The following CDH18 variants were observed in gnomAD, a reference collection of about 807,000 sequenced individuals.
CDH18 encodes the protein cadherin 18.
CDH18 carries 31 observed loss-of-function variants against 67.9 expected under a neutral mutation model. That is an observed-to-expected ratio of 0.46 (90% CI 0.34 to 0.62). CDH18 has a LOEUF of 0.62. Ranked by LOEUF, CDH18 falls within the 20% of genes least tolerant of loss-of-function variation. The pLI, the probability that CDH18 is intolerant of heterozygous loss-of-function variation, is 0.01. For synonymous variants in CDH18, 362 were observed against 347.2 expected (o/e 1.04, Z -0.48); for missense variants, 890 against 975.5 (o/e 0.91, Z 1.17).
At chr5:19,478,126 A>G (rs1368028818) in intron 12 of CDH18, among the ~76,000 whole-genome samples, 2 of 152,084 alleles carry the variant, frequency 1.3e-5, no homozygotes, top group African/African-American at 2.4e-5. Context: ...TTCTCATAAT[A>G]TGTATTTTTT....
At chr5:20,437,775 T>C (rs897877293) in intron 1 of CDH18, among the ~76,000 whole-genome samples, 8 of 151,320 alleles carry the variant, frequency 5.3e-5, no homozygotes, top group African/African-American at 1.7e-4. Context: ...ATGAAAAAAT[T>C]AGTAGAATGA....
chr5:20,137,482 T>C (rs567887830), intron 2 of CDH18, among the ~76,000 whole-genome samples: 18 of 152,116 alleles, frequency 1.2e-4, no homozygotes, highest in Non-Finnish European at 2.2e-4. Context: ...TAGCCATTCA[T>C]CTAATCTTTT....
Position 19,801,004 on chromosome 5 carries a change from G to A in CDH18, c.228+37755C>T, listed in dbSNP as rs147099858. 4.3e-3 allele frequency among the ~76,000 whole-genome samples: 657 copies of A among 152,164 alleles called. 6 individuals are homozygous for A. Among genetic ancestry groups the A allele is most frequent in the Non-Finnish European group, 7.9e-3 (536 of 67,984 alleles). Reference sequence around the variant, plus strand: ...GTGGCAGCATGCACATGCAGTCCCAGCTACTCAGGAGGCTGAGGCAGGAGA... The same window carrying A: ...GTGGCAGCATGCACATGCAGTCCCAACTACTCAGGAGGCTGAGGCAGGAGA... On this transcript the variant is annotated intron_variant, in intron 3 of 12. Transcript: ENST00000382275.
chr5:19,515,096 A>G (rs964544233), intron 10 of CDH18, among the ~76,000 whole-genome samples: 1 of 152,218 alleles, frequency 6.6e-6, no homozygotes, highest in Non-Finnish European at 1.5e-5. Context: ...CCATTTATTA[A>G]ACAGGGAATC....
chr5:19,894,364 T>A (rs2150092418), intron 2 of CDH18, among the ~76,000 whole-genome samples: 1 of 152,134 alleles, frequency 6.6e-6, no homozygotes, highest in East Asian at 1.9e-4. Flanking sequence ...GTTAAATAGA[T>A]ACATTTCACA....
intron 8 of CDH18, among the ~76,000 whole-genome samples, chr5:19,562,746 A>G (rs1739676362): frequency 6.6e-6 from 1 of 152,186 alleles, no homozygotes; most frequent in Admixed American, 6.5e-5. Flanking sequence ...TAAAGTTATC[A>G]TTCAAAGAAA....
chr5:20,227,849 C>T (rs1580527751), intron 2 of CDH18, among the ~76,000 whole-genome samples: 1 of 151,724 alleles, frequency 6.6e-6, no homozygotes, highest in Admixed American at 6.6e-5. Flanking sequence ...AAGCACAAAC[C>T]TTCTTAGTTC....
At chr5:19,841,947 A>G (rs1782363256) in intron 2 of CDH18, among the ~76,000 whole-genome samples, 1 of 152,248 alleles carries the variant, frequency 6.6e-6, no homozygotes. Flanking sequence ...TGTAAACATC[A>G]CTACAGCGCT....
At chr5:20,006,264 T>C (rs1736897110) in intron 2 of CDH18, among the ~76,000 whole-genome samples, 1 of 151,828 alleles carries the variant, frequency 6.6e-6, no homozygotes, top group East Asian at 1.9e-4. Flanking sequence ...AGGAAATAGA[T>C]CATTTATGTG....
chr5:19,836,964 G>A (rs1781717746), intron 3 of CDH18, among the ~76,000 whole-genome samples: 1 of 152,158 alleles, frequency 6.6e-6, no homozygotes, highest in Non-Finnish European at 1.5e-5. Flanking sequence ...GCACACCTAT[G>A]TTTATTGTAG....
chr5:19,895,345 AC>A (rs1236016148), intron 2 of CDH18, among the ~76,000 whole-genome samples: 3 of 152,162 alleles, frequency 2.0e-5, no homozygotes, highest in Non-Finnish European at 4.4e-5. Context: ...TTAAGGTCAT[AC>A]TTTTTATAAA....
chr5:20,150,710 CAAA>C (rs974356623), intron 2 of CDH18, among the ~76,000 whole-genome samples: 29 of 151,938 alleles, frequency 1.9e-4, no homozygotes, highest in African/African-American at 7.0e-4. Context: ...CTGCCTATTG[CAAA>C]GATCTACCAT....
At chr5:20,457,020 G>A (rs145228669) in intron 1 of CDH18, among the ~76,000 whole-genome samples, 53 of 152,294 alleles carry the variant, frequency 3.5e-4, no homozygotes, top group African/African-American at 6.5e-4. Context: ...CATTTGTAAT[G>A]TTTTAAGCTT....
At chr5:20,159,645 T>C (rs1751820953) in intron 2 of CDH18, among the ~76,000 whole-genome samples, 2 of 152,288 alleles carry the variant, frequency 1.3e-5, no homozygotes, top group South Asian at 4.1e-4. Context: ...AAATTCCCCA[T>C]TGATGTTTTA....
At chr5:20,033,596 C>G (rs1739585508) in intron 2 of CDH18, among the ~76,000 whole-genome samples, 1 of 151,982 alleles carries the variant, frequency 6.6e-6, no homozygotes, top group South Asian at 2.1e-4. Context: ...TATGAAAAGT[C>G]AAATCTCTTA....
chr5:19,607,605 A>G (rs900425541), intron 6 of CDH18, among the ~76,000 whole-genome samples: 1 of 151,498 alleles, frequency 6.6e-6, no homozygotes. Flanking sequence ...CAAATAGCAA[A>G]TGATATACCT....
intron 3 of CDH18, among the ~76,000 whole-genome samples, chr5:19,787,126 A>G (rs1775881013): frequency 6.6e-6 from 1 of 152,178 alleles, no homozygotes; most frequent in Non-Finnish European, 1.5e-5. Context: ...TCTCTTCACA[A>G]CTATGCCACA....
chr5:19,844,904 T>G (rs549047874), intron 2 of CDH18, among the ~76,000 whole-genome samples: 1 of 152,174 alleles, frequency 6.6e-6, no homozygotes, highest in Non-Finnish European at 1.5e-5. Context: ...TCAATGGCTA[T>G]CCAACACAGT....
chr5:19,869,282 T>C (rs970499873), intron 2 of CDH18, among the ~76,000 whole-genome samples: 2 of 152,100 alleles, frequency 1.3e-5, no homozygotes, highest in African/African-American at 4.8e-5. Flanking sequence ...TTTCAAATAA[T>C]ATAATGTATC....
Sources: gnomAD v4.1 joint callset for allele counts (sites outside exome capture counted in the v4.1 genomes callset) on GRCh38, gnomAD v4.1.1 for gene constraint, MANE v1.5 for transcripts, NCBI Gene and HGNC (gene_info 2026-07-23, HGNC 2026-07-21) for gene names.